BACE2: variants seen among roughly 807,000 people sequenced by gnomAD.
The protein encoded by BACE2 is beta-secretase 2, also known as 56 kDa aspartic-like protease.
In BACE2, 17 loss-of-function variants were observed where a neutral mutation model predicts 46.2. The observed-to-expected ratio is 0.37, with a 90% CI of 0.25 to 0.55. The LOEUF (loss-of-function observed/expected upper bound fraction) is 0.55. Among genes scored for constraint, BACE2 ranks in the 20% least tolerant of loss-of-function variants. BACE2 has a pLI of 0.82. For synonymous variants in BACE2, 277 were observed against 295.9 expected, an observed-to-expected ratio of 0.94 and a Z score of 0.66; for missense variants, 595 against 698.1, an observed-to-expected ratio of 0.85 and a Z score of 1.66.
Position 41,279,811 on chromosome 21 carries a change from G to A in BACE2, c.*4187G>A, listed in dbSNP as rs773088479. The A allele has an allele frequency of 6.6e-6, 1 of 152,356 alleles. No homozygotes were observed. Among genetic ancestry groups the A allele is most frequent in the African/African-American group, 2.4e-5 (1 of 41,438 alleles). 9.4% of individuals were successfully genotyped at this position (152,356 alleles called of 1,614,324 possible). A position where few individuals can be genotyped will look rare whatever the true frequency, so the allele number is the denominator to read the frequency against. Reference sequence around the variant, plus strand: ...TGTTGCCCACGCGGAGCAAGGATTGGTTCATTCAACGGATGGAGAGTACAG... The same window carrying A: ...TGTTGCCCACGCGGAGCAAGGATTGATTCATTCAACGGATGGAGAGTACAG... On this transcript the variant is annotated 3_prime_UTR_variant, in exon 9 of 9. Coordinates refer to ENST00000330333, the MANE Select transcript of BACE2 (RefSeq NM_012105.5).
intron 1 of BACE2, among the ~76,000 whole-genome samples, chr21:41,189,336 GTC>G (rs1985487806): frequency 6.6e-6 from 1 of 152,100 alleles, no homozygotes; most frequent in Admixed American, 6.6e-5. Context: ...TTCTAGTCTG[GTC>G]TCTCTGCTTC....
Position 41,212,782 on chromosome 21 carries a change from A to C in BACE2, c.313-13484A>C, listed in dbSNP as rs368409652. Among the ~76,000 whole-genome samples the C allele has an allele frequency of 5.2e-3, 786 of 152,312 alleles. 4 individuals carry two copies. The highest frequency in any genetic ancestry group is 0.014 in the Middle Eastern group (4 of 294). ...CTCACTCCTGAGGTTACAGAAGCTG[A>C]AGTGAGTGCCCAAGGAATATGGGTA... On this transcript the variant is annotated intron_variant, in intron 1 of 8. Coordinates refer to ENST00000330333, the MANE Select transcript of BACE2 (RefSeq NM_012105.5).
At chr21:41,252,581 C>T (rs1987672292) in intron 7 of BACE2, 2 of 152,170 alleles carry the variant, frequency 1.3e-5, no homozygotes, top group African/African-American at 2.4e-5. Context: ...ACTTCTATTT[C>T]GTTTTCAATT....
chr21:41,248,389 G>T (rs1312264770), intron 6 of BACE2, among the ~76,000 whole-genome samples: 2 of 152,206 alleles, frequency 1.3e-5, no homozygotes, highest in Admixed American at 1.3e-4. Flanking sequence ...CCCCAGGCCA[G>T]TCACTTGGCC....
chr21:41,259,116 C>T (rs1292355797), intron 8 of BACE2, among the ~76,000 whole-genome samples: 1 of 152,144 alleles, frequency 6.6e-6, no homozygotes, highest in African/African-American at 2.4e-5. Flanking sequence ...ATCTAATAAC[C>T]ATTTGTTTTC....
chr21:41,263,653 A>G (rs1440064698), intron 8 of BACE2, among the ~76,000 whole-genome samples: 1 of 152,172 alleles, frequency 6.6e-6, no homozygotes, highest in African/African-American at 2.4e-5. Flanking sequence ...ATTCAGTTTC[A>G]TTGTCCTCTG....
intron 6 of BACE2, among the ~76,000 whole-genome samples, chr21:41,247,123 CAA>C (rs1042378652): frequency 3.3e-5 from 5 of 152,152 alleles, no homozygotes; most frequent in African/African-American, 1.2e-4. Context: ...TGGCTGAATT[CAA>C]AGAGTGGCCG....
At chr21:41,261,249 A>C (rs182037748) in intron 8 of BACE2, among the ~76,000 whole-genome samples, 2 of 152,220 alleles carry the variant, frequency 1.3e-5, no homozygotes, top group African/African-American at 4.8e-5. Context: ...TCAGCATTAT[A>C]TGAGAATTTC....
chr21:41,245,705 G>A (rs997845346), intron 5 of BACE2, among the ~76,000 whole-genome samples: 2 of 152,228 alleles, frequency 1.3e-5, no homozygotes, highest in Non-Finnish European at 2.9e-5. Context: ...GCCTTGGGAG[G>A]GCTATTGATT....
intron 1 of BACE2, chr21:41,182,202 G>A (rs1985156095): frequency 6.0e-6 from 1 of 167,090 alleles, no homozygotes; most frequent in Non-Finnish European, 1.5e-5. Context: ...GTCTTCCAAA[G>A]CTTTACTGAT....
intron 1 of BACE2, among the ~76,000 whole-genome samples, chr21:41,224,209 ATTTTTTTTT>A (rs10658440): frequency 5.1e-5 from 5 of 98,908 alleles, no homozygotes; most frequent in African/African-American, 2.2e-4. Context: ...GCCTATTTTG[ATTTTTTTTT>A]TTTTTTTTTT....
chr21:41,226,235 C>CT, intron 1 of BACE2, 31 bp from the exon 2 acceptor site: 3 of 1,543,504 alleles, frequency 1.9e-6, no homozygotes, highest in East Asian at 2.2e-5. Flanking sequence ...TTGATGCTTT[C>CT]TATTTTTTTT....
At chr21:41,235,471 T>G (rs764944576) in intron 2 of BACE2, among the ~76,000 whole-genome samples, 5 of 152,222 alleles carry the variant, frequency 3.3e-5, no homozygotes, top group Non-Finnish European at 7.3e-5. Context: ...AGGGTCAGAT[T>G]CTCAGAAGTG....
At chr21:41,183,612 G>A (rs775479525) in intron 1 of BACE2, 28 of 167,162 alleles carry the variant, frequency 1.7e-4, no homozygotes, top group Non-Finnish European at 2.3e-4. Context: ...CTCAAAAGGA[G>A]ATTCTGGAGT....
chr21:41,186,181 G>T (rs1048820202), intron 1 of BACE2: 1 of 152,334 alleles, frequency 6.6e-6, no homozygotes. Flanking sequence ...AAGACAAAAT[G>T]GCACCAGCCA....
rs1261939994 is a variant in BACE2, at chr21:41,243,509, A to G, written c.881A>G (p.Glu294Gly). The G allele has an allele frequency of 6.2e-7, 1 of 1,608,298 alleles. No homozygotes were observed. The highest frequency in any genetic ancestry group is 1.3e-5 in the African/African-American group (1 of 74,832). The change falls in exon 5 of 9, where the codon GAG becomes GGG. Residue 294 changes from glutamate to glycine, a missense_variant and splice_region_variant. Around this residue, in one of 3 missense-constraint regions of BACE2, gnomAD observed 343 missense variants for 419.4 expected, o/e 0.82. Coordinates refer to ENST00000330333, the MANE Select transcript of BACE2 (RefSeq NM_012105.5). ...GGQSLNLDCR[E>G]YNADKAIVDS... Reference sequence around the variant, plus strand: ...CAAAGCCTTAATCTGGACTGCAGAGAGGTATTTATGCTATGGTCTCTGTTG... The same window carrying G: ...CAAAGCCTTAATCTGGACTGCAGAGGGGTATTTATGCTATGGTCTCTGTTG...
Position 41,282,194 on chromosome 21 carries a change from A to C in BACE2, c.*6570A>C, listed in dbSNP as rs1234366551. The C allele has an allele frequency of 6.6e-6, 1 of 152,248 alleles. No homozygotes were observed. Among genetic ancestry groups the C allele is most frequent in the African/African-American group, 2.4e-5 (1 of 41,478 alleles). 9.4% of individuals were successfully genotyped at this position (152,248 alleles called of 1,614,324 possible). On this transcript the variant is annotated 3_prime_UTR_variant, in exon 9 of 9. Coordinates refer to ENST00000330333, the MANE Select transcript of BACE2 (RefSeq NM_012105.5). Reference sequence around the variant, plus strand: ...GTTTGTTTTCTGTTTATCTCAGATTAACATCCTTTAATACAAGTTTCTTAA... The same window carrying C: ...GTTTGTTTTCTGTTTATCTCAGATTCACATCCTTTAATACAAGTTTCTTAA...
At chr21:41,274,164 T>A (rs1397474566) in intron 8 of BACE2, among the ~76,000 whole-genome samples, 1 of 152,044 alleles carries the variant, frequency 6.6e-6, no homozygotes, top group African/African-American at 2.4e-5. Context: ...GCAGGGTGCA[T>A]CCCTCTGTTC....
chr21:41,168,392 TG>T lies in BACE2; in HGVS notation c.130del (p.Ala44ArgfsTer38). 7.1e-7 allele frequency: 1 copy of T among 1,415,002 alleles called. No individual in the cohort carries two copies. The highest frequency in any genetic ancestry group is 1.5e-5 in the South Asian group (1 of 65,236). 87.7% of individuals were successfully genotyped at this position (1,415,002 alleles called of 1,614,324 possible). ...RVAAATNRVV[A>X]PTPGPGTPAE... ...TGGCCGCGGCCACGAACCGCGTAGT[TG>T]CGCCCACCCCGGGACCCGGGACCCC... On this transcript the variant is annotated frameshift_variant, in exon 1 of 9. Coordinates refer to ENST00000330333, the MANE Select transcript of BACE2 (RefSeq NM_012105.5). LOFTEE classifies it high-confidence loss of function.
Sources: allele counts gnomAD v4.1 joint callset (sites outside exome capture counted in the v4.1 genomes callset), GRCh38; gene constraint gnomAD v4.1.1; regional missense constraint gnomAD v4.1.1; transcripts MANE v1.5; gene names NCBI Gene and HGNC (gene_info 2026-07-23, HGNC 2026-07-21).